Variants in ZMYM4 observed in about 807,000 individuals in gnomAD.
ZMYM4 encodes the protein zinc finger MYM-type protein 4.
In ZMYM4, 31 loss-of-function variants were observed where a neutral mutation model predicts 183.2. That is an observed-to-expected ratio of 0.17 (90% CI 0.13 to 0.23). The LOEUF (loss-of-function observed/expected upper bound fraction) is 0.23, where lower values mean the gene tolerates loss of function less well. Ranked by LOEUF, ZMYM4 falls within the 10% of genes least tolerant of loss-of-function variation. The probability of loss-of-function intolerance (pLI) is 1.00; values close to 1 mark genes in which losing one functional copy is unlikely to be tolerated. For missense variants in ZMYM4, 1,273 were observed against 1,840.3 expected (o/e 0.69, Z 5.64); for synonymous variants, 592 against 631.2 (o/e 0.94, Z 0.93).
intron 18 of ZMYM4, among the ~76,000 whole-genome samples, chr1:35,393,946 A>C (rs752618255): frequency 6.6e-6 from 1 of 152,188 alleles, no homozygotes; most frequent in Non-Finnish European, 1.5e-5. Flanking sequence ...GAAGTTAATC[A>C]GTGATACCAT....
Position 35,393,672 on chromosome 1 carries a change from C to T in ZMYM4, c.2844C>T (p.Cys948=). The change falls in exon 18 of 30, where the codon TGC becomes TGT. Residue 948 remains cysteine, a synonymous_variant. Transcript: ENST00000314607. The part of the protein sequence containing the change: ...PRLLKNKALL[C]KPITQTKATS... The stretch of plus-strand genomic sequence containing the variant: ...TTTTGAAGAACAAAGCTTTATTATG[C>T]AAACCCATCACACAGACTAAAGCCA... 1 of 1,612,822 alleles carries T rather than the reference C, an allele frequency of 6.2e-7. No individual in the cohort carries two copies. The highest frequency in any genetic ancestry group is 8.5e-7 in the Non-Finnish European group (1 of 1,179,196).
At chr1:35,397,684 C>A in intron 20 of ZMYM4, 139 bp downstream of exon 20, 1 of 613,650 alleles carries the variant, frequency 1.6e-6, no homozygotes, top group Non-Finnish European at 2.4e-6. Context: ...GGGTTGATTA[C>A]ACTTTTTAGT....
At chr1:35,398,605 A>G in intron 21 of ZMYM4, 139 bp downstream of exon 21, 1 of 836,052 alleles carries the variant, frequency 1.2e-6, no homozygotes, top group East Asian at 2.7e-5. Flanking sequence ...AAGTGTACTA[A>G]TTTGTAGTGA....
intron 7 of ZMYM4, among the ~76,000 whole-genome samples, chr1:35,373,596 T>C (rs1434615940): frequency 1.3e-5 from 2 of 149,332 alleles, no homozygotes; most frequent in East Asian, 2.0e-4. Context: ...CGTTTCACCA[T>C]GTTGGTCAGG....
intron 5 of ZMYM4, among the ~76,000 whole-genome samples, chr1:35,368,651 C>T (rs1055871350): frequency 2.2e-4 from 33 of 152,230 alleles, no homozygotes; most frequent in African/African-American, 7.7e-4. Flanking sequence ...AGAACCTTTA[C>T]TATGTACCTT....
rs183212605 is a variant in ZMYM4 at position 35,278,895 on chromosome 1, A to G, written c.39+9810A>G. On this transcript the variant is annotated intron_variant, in intron 1 of 29. Coordinates refer to ENST00000314607, the MANE Select transcript of ZMYM4 (RefSeq NM_005095.3). ...CTGGAAAACAACTTATCTGCTTCCA[A>G]AATACAATGATGAGAGGATGAGACA... 4.6e-5 allele frequency among the ~76,000 whole-genome samples: 7 copies of G among 152,340 alleles called. No homozygotes were observed. In the East Asian group the frequency reaches 1.4e-3, roughly 29 times the overall value.
At chr1:35,301,742 G>C (rs1420451720) in intron 1 of ZMYM4, among the ~76,000 whole-genome samples, 1 of 152,002 alleles carries the variant, frequency 6.6e-6, no homozygotes, top group African/African-American at 2.4e-5. Flanking sequence ...GCAGATCTCT[G>C]AACTTCTCAG....
chr1:35,289,223 C>A (rs1316177449), intron 1 of ZMYM4, among the ~76,000 whole-genome samples: 2 of 152,144 alleles, frequency 1.3e-5, no homozygotes, highest in Non-Finnish European at 2.9e-5. Flanking sequence ...TAAAAAGATT[C>A]TTTTGGCTCC....
At position 35,398,869 on chromosome 1, in the gene ZMYM4, G is replaced by A. The variant is rs1323083336; in HGVS notation, c.3259G>A (p.Gly1087Arg). ...TTGTTATCTATATATTTCAGACCAAGGAAGTACATACAGTGGTGATCTTGA... is the reference window on the plus strand; with the variant it reads ...TTGTTATCTATATATTTCAGACCAAAGAAGTACATACAGTGGTGATCTTGA... The part of the protein sequence containing the change: ...LDTKIFEKDQ[G>R]STYSGDLESE... The change falls in exon 22 of 30, where the codon GGA becomes AGA. Residue 1087 changes from glycine to arginine, a missense_variant. Physicochemically the swap from Gly to Arg is moderately radical, Grantham distance 125. Transcript: ENST00000314607. The A allele has an allele frequency of 6.2e-7, 1 of 1,613,720 alleles. No individual in the cohort carries two copies. The highest frequency in any genetic ancestry group is 8.5e-7 in the Non-Finnish European group (1 of 1,179,844).
intron 1 of ZMYM4, among the ~76,000 whole-genome samples, chr1:35,278,567 A>G (rs1639988384): frequency 6.6e-6 from 1 of 151,998 alleles, no homozygotes; most frequent in Non-Finnish European, 1.5e-5. Context: ...CTGGGACTAC[A>G]GGAGCGTGCC....
At position 35,392,270 on chromosome 1, in the gene ZMYM4, G is replaced by T. The variant is rs1010813335; in HGVS notation, c.2646G>T (p.Ser882=). The stretch of plus-strand genomic sequence containing the variant: ...GACCCCCATCTCTGAGAAAAGATTC[G>T]ACTCCAGTTATAGCCAATGTAGTAT... ...SAGPPSLRKD[S]TPVIANVVSL... Residue 882 remains serine (S), a synonymous_variant, in exon 16 of 30, where the codon TCG becomes TCT. Transcript: ENST00000314607. 3 of 1,614,074 alleles carry T rather than the reference G, an allele frequency of 1.9e-6. No homozygotes were observed. Among genetic ancestry groups the T allele is most frequent in the South Asian group, 2.2e-5 (2 of 91,072 alleles).
At chr1:35,369,863 A>G (rs535105356) in intron 5 of ZMYM4, among the ~76,000 whole-genome samples, 166 bp from the exon 6 acceptor site, 1 of 152,134 alleles carries the variant, frequency 6.6e-6, no homozygotes, top group South Asian at 2.1e-4. Flanking sequence ...TATTTTACCT[A>G]TATTTAATTA....
At chr1:35,358,112 G>A (rs144216442) in intron 2 of ZMYM4, among the ~76,000 whole-genome samples, 1 of 152,222 alleles carries the variant, frequency 6.6e-6, no homozygotes, top group Non-Finnish European at 1.5e-5. Context: ...GGAAAGTTGG[G>A]AGCTGATTGT....
chr1:35,273,602 A>G (rs183203584), intron 1 of ZMYM4, among the ~76,000 whole-genome samples: 105 of 152,284 alleles, frequency 6.9e-4, no homozygotes, highest in African/African-American at 2.1e-3. Context: ...ATTAAATTTG[A>G]GATGTATATA....
chr1:35,326,024 T>C (rs1397905858), intron 2 of ZMYM4, among the ~76,000 whole-genome samples: 1 of 152,194 alleles, frequency 6.6e-6, no homozygotes, highest in African/African-American at 2.4e-5. Context: ...TCAATGGATA[T>C]AGACCTGTTG....
At chr1:35,377,380 G>A (rs139684134) in intron 7 of ZMYM4, among the ~76,000 whole-genome samples, 2 of 152,288 alleles carry the variant, frequency 1.3e-5, no homozygotes, top group East Asian at 3.9e-4. Context: ...TATGGAAGAT[G>A]GCAAGGTATG....
At chr1:35,347,528 TC>T (rs1643442983) in intron 2 of ZMYM4, among the ~76,000 whole-genome samples, 1 of 152,152 alleles carries the variant, frequency 6.6e-6, no homozygotes, top group South Asian at 2.1e-4. Flanking sequence ...CTTTTTTTTT[TC>T]CTGGATTATA....
chr1:35,350,018 A>T (rs959469103), intron 2 of ZMYM4, among the ~76,000 whole-genome samples: 29 of 151,284 alleles, frequency 1.9e-4, no homozygotes, highest in African/African-American at 6.8e-4. Flanking sequence ...GGCTGGGTTC[A>T]GTGGCGCAGT....
chr1:35,355,938 T>C (rs950690952), intron 2 of ZMYM4, among the ~76,000 whole-genome samples: 1 of 152,136 alleles, frequency 6.6e-6, no homozygotes, highest in African/African-American at 2.4e-5. Context: ...TTAAATGTAA[T>C]GATAAGGGGC....
Sources: gnomAD v4.1 joint callset for allele counts (sites outside exome capture counted in the v4.1 genomes callset) on GRCh38, gnomAD v4.1.1 for gene constraint, MANE v1.5 for transcripts, NCBI Gene and HGNC (gene_info 2026-07-23, HGNC 2026-07-21) for gene names.